The following ABCA5 variants were observed in gnomAD, a reference collection of about 807,000 sequenced individuals.
ABCA5 encodes the protein cholesterol transporter ABCA5.
ABCA5 carries 163 observed loss-of-function variants against 206.0 expected under a neutral mutation model. The observed-to-expected ratio is 0.79, with a 90% CI of 0.70 to 0.90. The LOEUF (loss-of-function observed/expected upper bound fraction) is 0.90. Ranked by LOEUF, ABCA5 falls within the 40% of genes least tolerant of loss-of-function variation. The pLI is 0.00. For missense variants in ABCA5, 1,859 were observed against 1,912.9 expected (o/e 0.97, Z 0.53); for synonymous variants, 609 against 613.8 (o/e 0.99, Z 0.11).
intron 11 of ABCA5, among the ~76,000 whole-genome samples, chr17:69,293,876 G>T (rs892192287): frequency 0.11 from 11,023 of 104,458 alleles, 452 homozygotes; most frequent in East Asian, 0.26. Context: ...GTGTGTGCGT[G>T]TGTGTGTGTT....
Position 69,270,757 on chromosome 17 carries a change from T to A in ABCA5, c.2893-7A>T. 1 of 1,524,458 alleles carries A rather than the reference T, an allele frequency of 6.6e-7. No homozygotes were observed. Among genetic ancestry groups the A allele is most frequent in the Non-Finnish European group, 8.8e-7 (1 of 1,142,726 alleles). The allele number at this position is 1,524,458 out of a possible 1,614,324, so 94.4% of individuals were successfully genotyped here. A position where few individuals can be genotyped will look rare whatever the true frequency, so the allele number is the denominator to read the frequency against. ...CAGCTGCAAAAACATAGTCCTACAA[T>A]TAAAAAAAAGACACTTATTACATAC... On this transcript the variant is annotated splice_region_variant and splice_polypyrimidine_tract_variant and intron_variant, in intron 21 of 38. Transcript: ENST00000392676.
intron 24 of ABCA5, 72 bp from the exon 25 acceptor site, chr17:69,261,820 T>C (rs2075151242): frequency 1.9e-6 from 1 of 528,490 alleles, no homozygotes; most frequent in East Asian, 3.5e-5. Context: ...ATACTAGCCA[T>C]ATTAAAATAT....
Position 69,277,679 on chromosome 17 carries a change from G to C in ABCA5, c.2556C>G (p.Phe852Leu). 6.2e-7 allele frequency: 1 copy of C among 1,611,546 alleles called. No individual in the cohort carries two copies. The highest frequency in any genetic ancestry group is 8.5e-7 in the Non-Finnish European group (1 of 1,179,226). ...ATTTACTTTCACGTTTCAAGGTAAA[G>C]AAATGAAACTTTGCTATTGTATACA... ...QQMYTIAKFH[F>L]FTLKRESKSV... Residue 852 changes from phenylalanine (F) to leucine (L), a missense_variant, in exon 19 of 39, where the codon TTC (phenylalanine) becomes TTG (leucine). Physicochemically the swap from Phe to Leu is conservative, Grantham distance 22. Coordinates refer to ENST00000392676, the MANE Select transcript of ABCA5 (RefSeq NM_172232.4).
chr17:69,256,937 A>G (rs548985377), intron 28 of ABCA5, among the ~76,000 whole-genome samples: 2 of 152,314 alleles, frequency 1.3e-5, no homozygotes, highest in South Asian at 4.1e-4. Flanking sequence ...AATTGCCCAG[A>G]AAGAGTAGAT....
chr17:69,320,078 A>G (rs1452374968), intron 1 of ABCA5, among the ~76,000 whole-genome samples: 1 of 152,232 alleles, frequency 6.6e-6, no homozygotes. Flanking sequence ...ATACATGAAA[A>G]GCTGAAAATG....
chr17:69,264,955 A>C, intron 23 of ABCA5, 50 bp from the exon 24 acceptor site: 1 of 1,247,928 alleles, frequency 8.0e-7, no homozygotes, highest in South Asian at 2.3e-5. Context: ...CTTTAGAAAC[A>C]CACAAATAAA....
intron 24 of ABCA5, 105 bp downstream of exon 24, chr17:69,264,630 C>A: frequency 3.8e-6 from 3 of 788,988 alleles, no homozygotes; most frequent in Admixed American, 3.8e-5. Flanking sequence ...TTTTCTTTAA[C>A]AAATTAATAA....
chr17:69,281,170 C>G (rs1394037233), intron 18 of ABCA5, among the ~76,000 whole-genome samples: 2 of 151,568 alleles, frequency 1.3e-5, no homozygotes, highest in African/African-American at 2.4e-5. Context: ...TCAGAACTTT[C>G]AACACAGAAA....
At chr17:69,273,121 G>C (rs1316921198) in intron 20 of ABCA5, among the ~76,000 whole-genome samples, 2 of 151,940 alleles carry the variant, frequency 1.3e-5, no homozygotes, top group Non-Finnish European at 2.9e-5. Flanking sequence ...TTTCATATTT[G>C]ACAACTACAT....
chr17:69,274,870 G>C (rs1386602278), intron 19 of ABCA5, among the ~76,000 whole-genome samples: 3 of 89,808 alleles, frequency 3.3e-5, no homozygotes, highest in Non-Finnish European at 6.7e-5. Context: ...TTGAGATGGA[G>C]TCTTGCTCTG....
At chr17:69,253,902 A>G (rs1397695681) in intron 32 of ABCA5, 33 bp from the exon 33 acceptor site, 1 of 1,528,926 alleles carries the variant, frequency 6.5e-7, no homozygotes, top group Non-Finnish European at 9.0e-7. Flanking sequence ...TGAGAATACC[A>G]TGATATATAT....
intron 23 of ABCA5, 53 bp from the exon 24 acceptor site, chr17:69,264,958 CAAAT>C: frequency 8.2e-7 from 1 of 1,215,022 alleles, no homozygotes; most frequent in East Asian, 2.9e-5. Flanking sequence ...TAGAAACACA[CAAAT>C]AAATTAGTAA....
rs765817707 is a variant in ABCA5, at chr17:69,308,333, A to C, written c.505T>G (p.Trp169Gly). The C allele has an allele frequency of 1.2e-6, 2 of 1,612,216 alleles. No individual in the cohort carries two copies. Among genetic ancestry groups the C allele is most frequent in the Non-Finnish European group, 1.7e-6 (2 of 1,178,694 alleles). Residue 169 changes from tryptophan to glycine, a missense_variant, in exon 5 of 39, where the codon TGG (tryptophan) becomes GGG (glycine). By Grantham distance (184) the Trp-to-Gly change is radical. Transcript: ENST00000392676. The stretch of plus-strand genomic sequence containing the variant: ...TGTAAAACTGTGAAACCTGAGGACC[A>C]GTACTGAGCAGCCTCACATGATTTT... The part of the protein sequence containing the change: ...CSKSCEAAQY[W>G]SSGFTVLQAS...
chr17:69,257,867 A>G (rs1032318581), intron 28 of ABCA5, among the ~76,000 whole-genome samples: 1 of 152,162 alleles, frequency 6.6e-6, no homozygotes, highest in Non-Finnish European at 1.5e-5. Context: ...TTTGGGTAAT[A>G]GGATGGACTG....
intron 37 of ABCA5, chr17:69,249,678 T>G (rs942450122): frequency 5.3e-5 from 26 of 487,848 alleles, no homozygotes; most frequent in Admixed American, 3.9e-5. Flanking sequence ...TGTTTACCTG[T>G]GTCTTAGATT....
intron 10 of ABCA5, 90 bp downstream of exon 10, chr17:69,297,101 T>C: frequency 1.6e-6 from 2 of 1,258,856 alleles, no homozygotes; most frequent in Non-Finnish European, 2.2e-6. Flanking sequence ...CCAAATCTAA[T>C]ATACCATATT....
intron 38 of ABCA5, 98 bp downstream of exon 38, chr17:69,248,164 G>C: frequency 1.5e-6 from 1 of 679,004 alleles, no homozygotes; most frequent in Non-Finnish European, 2.5e-6. Context: ...ATTTGTCACT[G>C]GTTTACGATA....
chr17:69,258,697 T>G (rs1054036395), intron 28 of ABCA5, among the ~76,000 whole-genome samples: 2 of 152,046 alleles, frequency 1.3e-5, no homozygotes, highest in Admixed American at 6.6e-5. Context: ...TCTAAAATAT[T>G]TTTTTTAAAA....
At chr17:69,277,170 T>C (rs1324299631) in intron 19 of ABCA5, among the ~76,000 whole-genome samples, 4 of 152,222 alleles carry the variant, frequency 2.6e-5, no homozygotes, top group African/African-American at 9.6e-5. Flanking sequence ...ATTTTTCAGT[T>C]TCCTCATAGG....
Sources: gnomAD v4.1 joint callset for allele counts (sites outside exome capture counted in the v4.1 genomes callset) on GRCh38, gnomAD v4.1.1 for gene constraint, MANE v1.5 for transcripts, NCBI Gene and HGNC (gene_info 2026-07-23, HGNC 2026-07-21) for gene names.